The following TOP3A variants were observed in gnomAD, a reference collection of about 807,000 sequenced individuals.
TOP3A encodes the protein DNA topoisomerase 3-alpha.
In TOP3A, 64 loss-of-function variants were observed where a neutral mutation model predicts 111.3. The observed-to-expected ratio is 0.57, with a 90% CI of 0.47 to 0.71. The LOEUF (loss-of-function observed/expected upper bound fraction) is 0.71, where lower values mean the gene tolerates loss of function less well. TOP3A is among the 30% of genes least tolerant of loss of function. TOP3A has a pLI of 0.00. For synonymous variants in TOP3A, 484 were observed against 485.1 expected (o/e 1.00, Z 0.03); for missense variants, 1,104 against 1,285.0 (o/e 0.86, Z 2.15).
At chr17:18,287,299 C>T (rs984736949) in intron 13 of TOP3A, among the ~76,000 whole-genome samples, 1 of 151,896 alleles carries the variant, frequency 6.6e-6, no homozygotes, top group South Asian at 2.1e-4. Flanking sequence ...TTTGGGAGAC[C>T]GAGGCGGGTG....
intron 8 of TOP3A, 31 bp downstream of exon 8, chr17:18,301,854 G>T (rs372168892): frequency 1.9e-6 from 3 of 1,578,612 alleles, no homozygotes; most frequent in Non-Finnish European, 2.6e-6. Context: ...GAGGTGTGCA[G>T]AATGTTTCCT....
At chr17:18,278,940 T>C (rs1979577843) in intron 17 of TOP3A, among the ~76,000 whole-genome samples, 1 of 152,166 alleles carries the variant, frequency 6.6e-6, no homozygotes, top group Non-Finnish European at 1.5e-5. Context: ...ATTGTGCCAC[T>C]GCACTCCAGC....
rs775587784 is a variant in TOP3A, at chr17:18,305,238, A to G, written c.391-18T>C. ...AAAGTTTTCTTAAGTTCGCAGTGGA[A>G]TAAGAGTGGTGAGAACAGAATTGCA... On this transcript the variant is annotated intron_variant, in intron 4 of 18. Transcript: ENST00000321105. 1.3e-6 allele frequency: 2 copies of G among 1,596,428 alleles called. No homozygotes were observed. The highest frequency in any genetic ancestry group is 1.1e-5 in the South Asian group (1 of 90,718).
chr17:18,308,982 A>C, intron 1 of TOP3A, 41 bp from the exon 2 acceptor site: 4 of 1,129,324 alleles, frequency 3.5e-6, no homozygotes, highest in Non-Finnish European at 5.0e-6. Flanking sequence ...ATTACGTTTA[A>C]AACAATGGAT....
At chr17:18,293,153 C>T (rs1383133247) in intron 10 of TOP3A, among the ~76,000 whole-genome samples, 1 of 152,254 alleles carries the variant, frequency 6.6e-6, no homozygotes, top group Non-Finnish European at 1.5e-5. Context: ...GAGGGTCAGT[C>T]TGACAGACCA....
chr17:18,301,431 C>T (rs1597980633), intron 8 of TOP3A, among the ~76,000 whole-genome samples: 1 of 152,272 alleles, frequency 6.6e-6, no homozygotes, highest in East Asian at 1.9e-4. Flanking sequence ...TTTCTCTATC[C>T]CTTTACCTTG....
At chr17:18,291,653 G>A (rs1980482539) in intron 11 of TOP3A, among the ~76,000 whole-genome samples, 1 of 152,074 alleles carries the variant, frequency 6.6e-6, no homozygotes, top group Non-Finnish European at 1.5e-5. Flanking sequence ...TAAATATCAT[G>A]CTTAATAGGC....
At chr17:18,309,469 C>T (rs1447071651) in intron 1 of TOP3A, among the ~76,000 whole-genome samples, 2 of 151,856 alleles carry the variant, frequency 1.3e-5, no homozygotes, top group Non-Finnish European at 2.9e-5. Flanking sequence ...ATGGTGAAAC[C>T]CCATCTCTAC....
intron 18 of TOP3A, among the ~76,000 whole-genome samples, chr17:18,275,258 C>T (rs1979266465): frequency 7.1e-6 from 1 of 140,704 alleles, no homozygotes; most frequent in African/African-American, 2.7e-5. Flanking sequence ...CACACCACTG[C>T]ACTCCAGCCT....
At chr17:18,276,066 G>A (rs1266261449) in intron 18 of TOP3A, among the ~76,000 whole-genome samples, 3 of 152,146 alleles carry the variant, frequency 2.0e-5, no homozygotes, top group African/African-American at 7.2e-5. Context: ...TATGTTACCT[G>A]ACACCTCTCC....
Position 18,308,368 on chromosome 17 carries a change from C to G in TOP3A, c.297G>C (p.Gln99His), listed in dbSNP as rs1018116487. 2.5e-6 allele frequency: 4 copies of G among 1,602,260 alleles called. No individual in the cohort carries two copies. The highest frequency in any genetic ancestry group is 3.4e-6 in the Non-Finnish European group (4 of 1,173,006). Residue 99 changes from glutamine to histidine, a missense_variant, in exon 3 of 19, where the codon CAG (glutamine) becomes CAC (histidine). Transcript: ENST00000321105. ...GTACTGACCATTTTCGAAACTGCAT[C>G]TGGAAATCATGAGCCAGTAAATGTC... ...VSGHLLAHDF[Q>H]MQFRKWQSCN...
At chr17:18,290,436 A>G (rs937279254) in intron 13 of TOP3A, 121 bp downstream of exon 13, 5 of 1,175,652 alleles carry the variant, frequency 4.3e-6, no homozygotes, top group Non-Finnish European at 5.7e-6. Context: ...TTTCAACTAT[A>G]AAATGGGATA....
intron 10 of TOP3A, among the ~76,000 whole-genome samples, chr17:18,293,137 C>T (rs1207272449): frequency 6.6e-6 from 1 of 152,244 alleles, no homozygotes; most frequent in African/African-American, 2.4e-5. Flanking sequence ...TGTCACTGGC[C>T]ACTCTGAGGG....
intron 1 of TOP3A, among the ~76,000 whole-genome samples, chr17:18,311,402 T>G (rs1374169730): frequency 1.3e-5 from 2 of 152,254 alleles, no homozygotes; most frequent in Admixed American, 1.3e-4. Context: ...GAAGCGATTC[T>G]CCTGCCTCAG....
chr17:18,306,809 G>T, intron 4 of TOP3A, 82 bp downstream of exon 4: 1 of 920,548 alleles, frequency 1.1e-6, no homozygotes, highest in Non-Finnish European at 1.7e-6. Context: ...ATCTCCAAAT[G>T]CCAATGCATT....
At chr17:18,312,099 T>C (rs1297949923) in intron 1 of TOP3A, 3 of 152,300 alleles carry the variant, frequency 2.0e-5, no homozygotes, top group African/African-American at 7.2e-5. Flanking sequence ...AGAGCCGCTG[T>C]ACTCTATAAG....
intron 9 of TOP3A, among the ~76,000 whole-genome samples, chr17:18,298,971 T>TAA (rs1440900176): frequency 1.3e-5 from 2 of 151,712 alleles, no homozygotes; most frequent in African/African-American, 4.8e-5. Context: ...TTCACTTGTT[T>TAA]ATCTGCTGAC....
At chr17:18,289,339 T>C (rs1251238277) in intron 13 of TOP3A, among the ~76,000 whole-genome samples, 1 of 80,468 alleles carries the variant, frequency 1.2e-5, no homozygotes, top group Non-Finnish European at 3.1e-5. Context: ...GTTGTTGTTG[T>C]TGTTTGTTTG....
chr17:18,287,890 C>T (rs192359458), intron 13 of TOP3A, among the ~76,000 whole-genome samples: 7 of 151,326 alleles, frequency 4.6e-5, no homozygotes, highest in African/African-American at 1.2e-4. Flanking sequence ...CCTAGCTACT[C>T]GGGAGGCTGA....
Sources: allele counts gnomAD v4.1 joint callset (sites outside exome capture counted in the v4.1 genomes callset), GRCh38; gene constraint gnomAD v4.1.1; transcripts MANE v1.5; gene names NCBI Gene and HGNC (gene_info 2026-07-23, HGNC 2026-07-21).